Variants in CTNNA2 observed in about 807,000 individuals in gnomAD.
The protein encoded by CTNNA2 is catenin alpha 2, also known as catenin alpha-2.
In CTNNA2, 42 loss-of-function variants were observed where a neutral mutation model predicts 101.0. That is an observed-to-expected ratio of 0.42 (90% CI 0.32 to 0.54). The LOEUF (loss-of-function observed/expected upper bound fraction) is 0.54, where lower values mean the gene tolerates loss of function less well. Among genes scored for constraint, CTNNA2 ranks in the 20% least tolerant of loss-of-function variants. The pLI is 0.14. For missense variants in CTNNA2, 871 were observed against 1,223.1 expected (o/e 0.71, Z 4.29); for synonymous variants, 450 against 456.4 (o/e 0.99, Z 0.18).
At chr2:80,115,582 C>T (rs968057626) in intron 7 of CTNNA2, among the ~76,000 whole-genome samples, 1 of 151,818 alleles carries the variant, frequency 6.6e-6, no homozygotes, top group African/African-American at 2.4e-5. Context: ...AGCATGGTAA[C>T]GAGAGAGAGA....
chr2:79,623,465 C>T (rs955683469), intron 1 of CTNNA2, among the ~76,000 whole-genome samples: 11 of 152,168 alleles, frequency 7.2e-5, no homozygotes, highest in African/African-American at 1.2e-4. Context: ...CACCTCACTC[C>T]ATCTATTTCT....
intron 9 of CTNNA2, among the ~76,000 whole-genome samples, chr2:80,477,398 T>C (rs150665869): frequency 1.3e-5 from 2 of 152,244 alleles, no homozygotes; most frequent in Admixed American, 6.5e-5. Context: ...TACAAGTCAT[T>C]TTTCATTATA....
At chr2:79,959,509 C>G (rs13033171) in intron 7 of CTNNA2, among the ~76,000 whole-genome samples, 2 of 151,868 alleles carry the variant, frequency 1.3e-5, no homozygotes, top group Admixed American at 1.3e-4. Context: ...GTTTGTCTTA[C>G]GCCACTCTTA....
chr2:79,364,439 C>T (rs959203141), intron 3 of CTNNA2, among the ~76,000 whole-genome samples: 16 of 152,102 alleles, frequency 1.1e-4, no homozygotes, highest in African/African-American at 3.1e-4. Flanking sequence ...TAGGGTTCTG[C>T]GAAAATCTAC....
chr2:80,008,812 G>A (rs748044097), intron 7 of CTNNA2, among the ~76,000 whole-genome samples: 4 of 152,196 alleles, frequency 2.6e-5, no homozygotes, highest in Non-Finnish European at 5.9e-5. Flanking sequence ...ACAACAAGAT[G>A]CTTCGTGTGA....
At chr2:80,369,439 A>G (rs988933771) in intron 7 of CTNNA2, among the ~76,000 whole-genome samples, 1 of 152,148 alleles carries the variant, frequency 6.6e-6, no homozygotes, top group African/African-American at 2.4e-5. Flanking sequence ...GCAAGAATGT[A>G]CATATACAGA....
intron 7 of CTNNA2, among the ~76,000 whole-genome samples, chr2:80,007,204 C>T (rs1231822316): frequency 6.6e-6 from 1 of 152,024 alleles, no homozygotes; most frequent in Non-Finnish European, 1.5e-5. Context: ...ATCTAGCTTA[C>T]AGGATTACCG....
At chr2:80,081,979 G>T (rs754417564) in intron 7 of CTNNA2, among the ~76,000 whole-genome samples, 3 of 152,090 alleles carry the variant, frequency 2.0e-5, no homozygotes, top group Non-Finnish European at 2.9e-5. Flanking sequence ...TTTCTATTTA[G>T]CCTTAAGTCT....
At chr2:79,762,981 T>C (rs563593828) in intron 3 of CTNNA2, among the ~76,000 whole-genome samples, 1 of 152,204 alleles carries the variant, frequency 6.6e-6, no homozygotes, top group Non-Finnish European at 1.5e-5. Flanking sequence ...CAGAATTAGC[T>C]ATTAGTTAAC....
intron 2 of CTNNA2, among the ~76,000 whole-genome samples, chr2:79,700,899 G>A (rs189806211): frequency 5.3e-5 from 8 of 152,220 alleles, no homozygotes; most frequent in Non-Finnish European, 8.8e-5. Context: ...CTAGAGAATC[G>A]TAAATGTGTT....
intron 7 of CTNNA2, among the ~76,000 whole-genome samples, chr2:79,991,462 C>G (rs145174717): frequency 6.6e-6 from 1 of 152,230 alleles, no homozygotes; most frequent in East Asian, 1.9e-4. Context: ...TAGATCTCCC[C>G]TAGAGAAGAA....
In CTNNA2 at chr2:79,651,537, C is replaced by T. The variant is rs1681250064; in HGVS notation, c.-5-15C>T. On this transcript the variant is annotated splice_polypyrimidine_tract_variant and intron_variant, in intron 1 of 18. Transcript: ENST00000402739. ...AAAGATGATTATTTCTAACTGATTA[C>T]ATGTGTTCCCATAGGGAGCATGACT... The T allele has an allele frequency of 6.3e-7, 1 of 1,598,306 alleles. No individual in the cohort carries two copies. Among genetic ancestry groups the T allele is most frequent in the Non-Finnish European group, 8.6e-7 (1 of 1,165,928 alleles).
At chr2:80,567,919 C>T (rs1694203922) in intron 12 of CTNNA2, among the ~76,000 whole-genome samples, 1 of 152,072 alleles carries the variant, frequency 6.6e-6, no homozygotes, top group South Asian at 2.1e-4. Flanking sequence ...AACTGTTTAT[C>T]TCTCTCGAAC....
chr2:80,543,315 C>G (rs914827264), intron 9 of CTNNA2, among the ~76,000 whole-genome samples: 5 of 152,142 alleles, frequency 3.3e-5, no homozygotes, highest in African/African-American at 9.7e-5. Context: ...CATCTAAGAA[C>G]CTTCCTGCCC....
intron 1 of CTNNA2, among the ~76,000 whole-genome samples, chr2:79,564,807 T>C (rs138210175): frequency 7.2e-4 from 110 of 152,346 alleles, no homozygotes; most frequent in African/African-American, 2.5e-3. Context: ...ATATTTTTCT[T>C]CTTCTTCTTT....
chr2:79,933,307 C>T (rs1470901402), intron 7 of CTNNA2, among the ~76,000 whole-genome samples: 1 of 152,102 alleles, frequency 6.6e-6, no homozygotes, highest in Non-Finnish European at 1.5e-5. Flanking sequence ...TACGGGCTAT[C>T]ATATTGAACC....
At chr2:79,846,609 A>G (rs17018012) in intron 3 of CTNNA2, among the ~76,000 whole-genome samples, 9,587 of 152,270 alleles carry the variant, frequency 0.063, 837 homozygotes, top group African/African-American at 0.2. Flanking sequence ...GTGAAACTGT[A>G]TCAGAAACAG....
At chr2:79,236,048 A>G (rs767769004) in intron 2 of CTNNA2, among the ~76,000 whole-genome samples, 1 of 152,020 alleles carries the variant, frequency 6.6e-6, no homozygotes, top group African/African-American at 2.4e-5. Flanking sequence ...TGCCATCCAC[A>G]TATTTCCCAG....
intron 7 of CTNNA2, among the ~76,000 whole-genome samples, chr2:80,381,840 G>A (rs908279731): frequency 2.6e-5 from 4 of 152,086 alleles, no homozygotes; most frequent in Admixed American, 1.3e-4. Flanking sequence ...CCATTTTATC[G>A]AATCTATTCT....
Sources: allele counts gnomAD v4.1 joint callset (sites outside exome capture counted in the v4.1 genomes callset), GRCh38; gene constraint gnomAD v4.1.1; transcripts MANE v1.5; gene names NCBI Gene and HGNC (gene_info 2026-07-23, HGNC 2026-07-21).